SYNJ2: variants seen among roughly 807,000 people sequenced by gnomAD.
SYNJ2 encodes polyphosphatidylinositol phosphatase SYNJ2.
Under a neutral mutation model 141.3 loss-of-function variants are expected in SYNJ2, and 116 were observed. That is an observed-to-expected ratio of 0.82 (90% CI 0.71 to 0.96). SYNJ2 has a LOEUF of 0.96. Among genes scored for constraint, SYNJ2 ranks in the 40% least tolerant of loss-of-function variants. The probability of loss-of-function intolerance (pLI) is 0.00; values close to 1 mark genes in which losing one functional copy is unlikely to be tolerated. For missense variants in SYNJ2, 1,873 were observed against 1,934.8 expected (o/e 0.97, Z 0.60); for synonymous variants, 745 against 777.7 (o/e 0.96, Z 0.70).
intron 3 of SYNJ2, 34 bp downstream of exon 3, chr6:158,029,060 C>CTGGGTCTCCTGCAGAGGGTGGGCCT (rs1779217445): frequency 6.2e-7 from 1 of 1,607,606 alleles, no homozygotes; most frequent in Non-Finnish European, 8.5e-7. Flanking sequence ...AGGGTGGGCC[C>CTGGGTCTCCTGCAGAGGGTGGGCCT]TGGGTCTCCT....
intron 16 of SYNJ2, among the ~76,000 whole-genome samples, chr6:158,076,269 G>A (rs1267706084): frequency 6.6e-6 from 1 of 152,138 alleles, no homozygotes; most frequent in Non-Finnish European, 1.5e-5. Flanking sequence ...TGAAGGCCTC[G>A]GGGTTGTGGG....
At chr6:158,019,295 C>A (rs74523383) in intron 2 of SYNJ2, among the ~76,000 whole-genome samples, 1 of 152,238 alleles carries the variant, frequency 6.6e-6, no homozygotes, top group Non-Finnish European at 1.5e-5. Flanking sequence ...TCATGCCTTG[C>A]GGCACCAGGG....
intron 12 of SYNJ2, 26 bp downstream of exon 12, chr6:158,066,661 C>T: frequency 6.2e-7 from 1 of 1,609,468 alleles, no homozygotes; most frequent in Non-Finnish European, 8.5e-7. Context: ...TTGGGGGAGA[C>T]AAAATCCAAT....
chr6:157,989,915 G>T (rs979135584), intron 1 of SYNJ2, among the ~76,000 whole-genome samples: 1 of 152,000 alleles, frequency 6.6e-6, no homozygotes, highest in East Asian at 1.9e-4. Flanking sequence ...TTCTGGGGGG[G>T]GCTAGGAGGC....
intron 1 of SYNJ2, among the ~76,000 whole-genome samples, chr6:157,994,262 C>T (rs1237818710): frequency 1.3e-5 from 2 of 152,214 alleles, no homozygotes; most frequent in Non-Finnish European, 2.9e-5. Context: ...CCGTTCTCTG[C>T]AGCTCCTGCT....
At chr6:158,042,538 G>A (rs1017858041) in intron 4 of SYNJ2, among the ~76,000 whole-genome samples, 4 of 152,348 alleles carry the variant, frequency 2.6e-5, no homozygotes, top group East Asian at 1.9e-4. Flanking sequence ...AAGTGTCGCC[G>A]CCTGCCCCTG....
At chr6:158,067,934 G>A (rs933948162) in intron 12 of SYNJ2, 25 of 985,206 alleles carry the variant, frequency 2.5e-5, no homozygotes, top group Middle Eastern at 5.2e-4. Flanking sequence ...CAGTCCCCAC[G>A]AAAGTGACTC....
rs758232865 is a variant in SYNJ2 at position 158,064,889 on chromosome 6, G to A, written c.1423G>A (p.Gly475Arg). Residue 475 changes from glycine to arginine, a missense_variant, in exon 11 of 27, where the codon GGG (glycine) becomes AGG (arginine). Physicochemically the swap from Gly to Arg is moderately radical, Grantham distance 125 (BLOSUM62 -2). Transcript: ENST00000355585. ...SRTIQSNFFDGVKQEAIKLLL... is the reference protein window; with the variant it reads ...SRTIQSNFFDRVKQEAIKLLL... The stretch of plus-strand genomic sequence containing the variant: ...AACCATCCAGTCCAACTTCTTCGAC[G>A]GGGTGAAGCAGGAGGCCATCAAGCT... The A allele has an allele frequency of 6.2e-6, 10 of 1,613,666 alleles. No homozygotes were observed. In the African/African-American group the frequency reaches 6.7e-5, roughly 11 times the overall value.
chr6:158,029,490 AG>A (rs1315371360), intron 3 of SYNJ2: 2 of 155,090 alleles, frequency 1.3e-5, no homozygotes, highest in African/African-American at 4.8e-5. Flanking sequence ...GCTTAAACCC[AG>A]GAAACGGAGG....
rs1275114659 is a variant in SYNJ2, at chr6:158,064,668, C to T, written c.1277C>T (p.Ser426Phe). 1.9e-6 allele frequency: 3 copies of T among 1,614,004 alleles called. No homozygotes were observed. Among genetic ancestry groups the T allele is most frequent in the Non-Finnish European group, 2.5e-6 (3 of 1,180,022 alleles). Residue 426 changes from serine (S) to phenylalanine (F), a missense_variant, in exon 10 of 27, where the codon TCC becomes TTC. Transcript: ENST00000355585. ...SKPIVDRFVE[S>F]FKAMWSLNGH... ...CCCATCGTTGACCGCTTTGTGGAGT[C>T]CTTCAAAGCCATGTGGTCTCTGAAT...
In SYNJ2 at chr6:158,070,277, C is replaced by G. The variant is rs1781836563; in HGVS notation, c.1940+604C>G. The G allele has an allele frequency of 1.0e-6, 1 of 985,358 alleles. No individual in the cohort carries two copies. The highest frequency in any genetic ancestry group is 6.2e-5 in the Admixed American group (1 of 16,250). 61.0% of individuals were successfully genotyped at this position (985,358 alleles called of 1,614,324 possible). A position where few individuals can be genotyped will look rare whatever the true frequency, so the allele number is the denominator to read the frequency against. On this transcript the variant is annotated intron_variant, in intron 14 of 26. Coordinates refer to ENST00000355585, the MANE Select transcript of SYNJ2 (RefSeq NM_003898.4). This position sits in a 1 kb window ranked among gnomAD's most constrained non-coding sequence, Gnocchi z 4.0. Reference sequence around the variant, plus strand: ...CCATGGCTTTTGAATTTCCACCAGCCTTTCGGCGAGCTGGCAGCAGGCGTT... The same window carrying G: ...CCATGGCTTTTGAATTTCCACCAGCGTTTCGGCGAGCTGGCAGCAGGCGTT...
chr6:158,063,659 CAAAAAAAAAAAAAAAA>C (rs71298907), intron 8 of SYNJ2, 116 bp from the exon 9 acceptor site: 11 of 188,814 alleles, frequency 5.8e-5, no homozygotes, highest in East Asian at 5.5e-4. Flanking sequence ...GACTCTGTCT[CAAAAAAAAAAAAAAAA>C]AAAAAAAAAA....
Position 157,981,888 on chromosome 6 carries a change from C to T in SYNJ2, c.-74C>T. 3 of 1,192,742 alleles carry T rather than the reference C, an allele frequency of 2.5e-6. No individual in the cohort carries two copies. Among genetic ancestry groups the T allele is most frequent in the Middle Eastern group, 3.2e-4 (1 of 3,118 alleles). 73.9% of individuals were successfully genotyped at this position (1,192,742 alleles called of 1,614,324 possible). On this transcript the variant is annotated 5_prime_UTR_variant, in exon 1 of 27. Coordinates refer to ENST00000355585, the MANE Select transcript of SYNJ2 (RefSeq NM_003898.4). This position sits in a 1 kb window ranked among gnomAD's most constrained non-coding sequence, Gnocchi z 6.4. The stretch of plus-strand genomic sequence containing the variant: ...GAAACTCTGGCAAGTTGCGGGCGCG[C>T]GGGGAGCTGTCGCGGGCAGCGCGCC...
At chr6:158,018,083 T>C (rs1303228140) in intron 2 of SYNJ2, among the ~76,000 whole-genome samples, 1 of 151,720 alleles carries the variant, frequency 6.6e-6, no homozygotes, top group Non-Finnish European at 1.5e-5. Flanking sequence ...TGTCAGTCAG[T>C]GTGGGGTGGG....
chr6:158,088,609 G>C (rs1783233131), intron 23 of SYNJ2, 51 bp from the exon 24 acceptor site: 2 of 1,407,346 alleles, frequency 1.4e-6, no homozygotes, highest in South Asian at 2.3e-5. Context: ...AGCTGGCTGG[G>C]AAGTTGTGCC....
intron 2 of SYNJ2, among the ~76,000 whole-genome samples, chr6:158,020,269 C>T (rs1469556607): frequency 1.4e-5 from 2 of 138,714 alleles, no homozygotes; most frequent in East Asian, 4.1e-4. Flanking sequence ...CTGTGTGACC[C>T]CCACCTGCGT....
intron 2 of SYNJ2, chr6:158,026,970 A>G (rs1779080806): frequency 1.0e-6 from 1 of 985,290 alleles, no homozygotes; most frequent in East Asian, 1.1e-4. Flanking sequence ...CTTTGTTCTT[A>G]GGTGGTTTTG....
At position 158,069,626 on chromosome 6, in the gene SYNJ2, C is replaced by T. The variant is rs1781788520; in HGVS notation, c.1893C>T (p.Gly631=). The change falls in exon 14 of 27, where the codon GGC becomes GGT. Residue 631 remains glycine (G), a synonymous_variant. Transcript: ENST00000355585. Reference sequence around the variant, plus strand: ...TGTTGACTTCGGCACAGCTGGTGGGCGTCTGTCTTTATATCTTTGTACGTC... The same window carrying T: ...TGTTGACTTCGGCACAGCTGGTGGGTGTCTGTCTTTATATCTTTGTACGTC... ...YILLTSAQLV[G]VCLYIFVRPY... is the part of the protein sequence containing the mutation. 7 of 1,613,932 alleles carry T rather than the reference C, an allele frequency of 4.3e-6. No homozygotes were observed. Among genetic ancestry groups the T allele is most frequent in the Non-Finnish European group, 5.9e-6 (7 of 1,179,874 alleles).
At chr6:158,063,435 C>T (rs560547004) in intron 8 of SYNJ2, among the ~76,000 whole-genome samples, 45 of 151,964 alleles carry the variant, frequency 3.0e-4, no homozygotes, top group African/African-American at 7.5e-4. Context: ...CTGAGGTGGG[C>T]GGATCACAAG....
Sources: gnomAD v4.1 joint callset for allele counts (sites outside exome capture counted in the v4.1 genomes callset) on GRCh38, gnomAD v4.1.1 for gene constraint, Gnocchi (gnomAD v3.1) non-coding constraint, MANE v1.5 for transcripts, NCBI Gene and HGNC (gene_info 2026-07-23, HGNC 2026-07-21) for gene names.